ALS2: variants seen among roughly 807,000 people sequenced by gnomAD.
ALS2 encodes alsin Rho guanine nucleotide exchange factor ALS2.
A neutral mutation model predicts 203.4 loss-of-function variants in ALS2; 117 were observed. The observed-to-expected ratio is 0.58, with a 90% CI of 0.50 to 0.67. The LOEUF (loss-of-function observed/expected upper bound fraction) is 0.67, where lower values mean the gene tolerates loss of function less well. Among genes scored for constraint, ALS2 ranks in the 30% least tolerant of loss-of-function variants. The pLI, the probability that ALS2 is intolerant of heterozygous loss-of-function variation, is 0.00. For missense variants in ALS2, 1,715 were observed against 1,989.4 expected (o/e 0.86, Z 2.62); for synonymous variants, 718 against 725.9 (o/e 0.99, Z 0.17).
At chr2:201,777,244 C>T (rs1217374268) in intron 1 of ALS2, among the ~76,000 whole-genome samples, 1 of 144,678 alleles carries the variant, frequency 6.9e-6, no homozygotes, top group Non-Finnish European at 1.5e-5. Flanking sequence ...GTTAATTCCC[C>T]TGCAGGCTTC....
intron 1 of ALS2, among the ~76,000 whole-genome samples, chr2:201,777,349 T>C (rs1426853399): frequency 6.6e-6 from 1 of 151,948 alleles, no homozygotes; most frequent in South Asian, 2.1e-4. Context: ...AAGCTTTACA[T>C]AGTGGAGCTG....
At chr2:201,736,032 G>A (rs544549380) in intron 12 of ALS2, among the ~76,000 whole-genome samples, 1 of 151,910 alleles carries the variant, frequency 6.6e-6, no homozygotes. Flanking sequence ...AACATTATAG[G>A]TTAACTAAGC....
rs181783598 is a variant in ALS2 at position 201,775,532 on chromosome 2, T to C, written c.-61+5345A>G. On this transcript the variant is annotated intron_variant, in intron 1 of 33. Transcript: ENST00000264276. ...TATGGTAACCTTTGACTCAAACACC[T>C]GACTTACAAATAATCTATACACCAA... Among the ~76,000 whole-genome samples, 3 of 152,290 alleles carry C rather than the reference T, an allele frequency of 2.0e-5. No individual in the cohort carries two copies. The East Asian group carries it at 5.8e-4, about 29-fold the overall frequency.
intron 6 of ALS2, among the ~76,000 whole-genome samples, chr2:201,753,632 A>C (rs1254043917): frequency 6.6e-6 from 1 of 152,232 alleles, no homozygotes. Context: ...TTAGATAATC[A>C]TTCCAATTAC....
At position 201,711,008 on chromosome 2, in the gene ALS2, T is replaced by C. The variant is rs1251478086; in HGVS notation, c.4105A>G (p.Arg1369Gly). The change falls in exon 26 of 34, where the codon AGG (arginine) becomes GGG (glycine). Residue 1369 changes from arginine (R) to glycine (G), a missense_variant. Physicochemically the swap from Arg to Gly is moderately radical, Grantham distance 125. Coordinates refer to ENST00000264276, the MANE Select transcript of ALS2 (RefSeq NM_020919.4). ...AFSVEKYDDI[R>G]KYLIKACDTP... The stretch of plus-strand genomic sequence containing the variant: ...TAGTTTACCTTTATTAAATATTTCC[T>C]GATGTCATCATATTTCTCCACAGAG... 1.2e-6 allele frequency: 2 copies of C among 1,601,722 alleles called. No individual in the cohort carries two copies. Among genetic ancestry groups the C allele is most frequent in the Non-Finnish European group, 1.7e-6 (2 of 1,168,908 alleles).
rs1367631173 is a variant in ALS2, at chr2:201,733,330, T to C, written c.2526A>G (p.Arg842=). The C allele has an allele frequency of 6.2e-7, 1 of 1,613,780 alleles. No individual in the cohort carries two copies. The highest frequency in any genetic ancestry group is 1.3e-5 in the African/African-American group (1 of 74,914). The change falls in exon 13 of 34, where the codon AGA becomes AGG. Residue 842 remains arginine (R), a synonymous_variant. Coordinates refer to ENST00000264276, the MANE Select transcript of ALS2 (RefSeq NM_020919.4). ...AAACTTTTGCGTAATTATGAAGTCG[T>C]CTGATTGGCAAGAAAAACAAAGTAT... ...ILNTLFFLPI[R]RLHNYAKVLL...
chr2:201,701,076 A>T lies in ALS2; in HGVS notation c.*775T>A, dbSNP rs1315118759. On this transcript the variant is annotated 3_prime_UTR_variant, in exon 34 of 34. Transcript: ENST00000264276. ...ACAGGCCTTGGAATACAGCGTTTGC[A>T]CATGGACAAATGAGGTTCCTAGCAG... 6.6e-6 allele frequency: 1 copy of T among 152,656 alleles called. No homozygotes were observed. Among genetic ancestry groups the T allele is most frequent in the African/African-American group, 2.4e-5 (1 of 41,456 alleles). The allele number at this position is 152,656 out of a possible 1,614,324, so 9.5% of individuals were successfully genotyped here.
At position 201,715,937 on chromosome 2, in the gene ALS2, T is replaced by A. The variant is rs1690363644; in HGVS notation, c.3837-98A>T. On this transcript the variant is annotated intron_variant, in intron 24 of 33. Coordinates refer to ENST00000264276, the MANE Select transcript of ALS2 (RefSeq NM_020919.4). Reference sequence around the variant, plus strand: ...TAACATACAACTGAGAATGCTTTTTTCGTGACCAAAACTGCCAAGACTGAT... The same window carrying A: ...TAACATACAACTGAGAATGCTTTTTACGTGACCAAAACTGCCAAGACTGAT... The A allele has an allele frequency of 1.4e-5, 19 of 1,358,318 alleles. No individual in the cohort carries two copies. The South Asian group carries it at 2.1e-4, about 15-fold the overall frequency. The allele number at this position is 1,358,318 out of a possible 1,614,324, so 84.1% of individuals were successfully genotyped here.
At chr2:201,704,795 G>A (rs371867146) in intron 31 of ALS2, among the ~76,000 whole-genome samples, 192 bp from the exon 32 acceptor site, 6 of 152,078 alleles carry the variant, frequency 3.9e-5, no homozygotes, top group African/African-American at 1.4e-4. Flanking sequence ...AACTGTCTAC[G>A]ATTCATATAT....
At chr2:201,719,284 G>A (rs1374441143) in intron 23 of ALS2, among the ~76,000 whole-genome samples, 6 of 152,124 alleles carry the variant, frequency 3.9e-5, no homozygotes, top group African/African-American at 1.4e-4. Context: ...CATGAATGGT[G>A]CAGTGCCTTA....
At chr2:201,751,648 G>A (rs2192759) in intron 7 of ALS2, among the ~76,000 whole-genome samples, 73,141 of 151,904 alleles carry the variant, frequency 0.48, 20,322 homozygotes, top group Non-Finnish European at 0.62. Flanking sequence ...TTTGCTGTTC[G>A]GGACTGTTGA....
rs545373216 is a variant in ALS2, at chr2:201,754,406, G to T, written c.1640+97C>A. On this transcript the variant is annotated intron_variant, in intron 6 of 33. Coordinates refer to ENST00000264276, the MANE Select transcript of ALS2 (RefSeq NM_020919.4). ...AATAATCTGAAGCTAGAAGAGCCCA[G>T]ATTTCCTCTATGAGGAAAGTGAGAT... The T allele has an allele frequency of 4.1e-6, 6 of 1,448,380 alleles. No individual in the cohort carries two copies. In the African/African-American group the frequency reaches 8.4e-5, roughly 20 times the overall value. The allele number at this position is 1,448,380 out of a possible 1,614,324, so 89.7% of individuals were successfully genotyped here.
rs1691221879 is a variant in ALS2, at chr2:201,727,060, A to G, written c.2979+152T>C. The G allele has an allele frequency of 3.5e-5, 32 of 909,322 alleles. No individual in the cohort carries two copies. The South Asian group carries it at 4.6e-4, about 13-fold the overall frequency. The allele number at this position is 909,322 out of a possible 1,614,324, so 56.3% of individuals were successfully genotyped here. On this transcript the variant is annotated intron_variant, in intron 17 of 33. Transcript: ENST00000264276. ...TTAAGTCACATTAAAAAAAAAAACA[A>G]TGAAGAACCTACAGTTTTGGGTTAA...
At chr2:201,739,217 C>A (rs1246752545) in intron 11 of ALS2, among the ~76,000 whole-genome samples, 1 of 105,212 alleles carries the variant, frequency 9.5e-6, no homozygotes, top group Non-Finnish European at 1.7e-5. Context: ...GCCTGAGTGA[C>A]AGGATACGAC....
rs148925072 is a variant in ALS2 at position 201,734,420 on chromosome 2, A to T, written c.2418-982T>A. ...AGCACAGGAAGTTGAGGCTGTAGTG[A>T]GCCGTGGTTGTGCCACTGCACACCA... On this transcript the variant is annotated intron_variant, in intron 12 of 33. Coordinates refer to ENST00000264276, the MANE Select transcript of ALS2 (RefSeq NM_020919.4). Among the ~76,000 whole-genome samples the T allele has an allele frequency of 2.0e-3, 306 of 151,090 alleles. 16 individuals are homozygous for T. In the East Asian group the frequency reaches 0.046, roughly 23 times the overall value.
In ALS2 at chr2:201,754,654, T is replaced by G. The variant is rs1366304653; in HGVS notation, c.1489A>C (p.Arg497=). 3 of 1,614,110 alleles carry G rather than the reference T, an allele frequency of 1.9e-6. No individual in the cohort carries two copies. The South Asian group carries it at 3.3e-5, about 18-fold the overall frequency. ...CTCGTTTTCACCCGTGCAGCCTTTCTTAAGAGCCTGGGGGAAACTGAAAAC... is the reference window on the plus strand; with the variant it reads ...CTCGTTTTCACCCGTGCAGCCTTTCGTAAGAGCCTGGGGGAAACTGAAAAC... The part of the protein sequence containing the change: ...LLSQVSPRLL[R]KAARVKTRTV... The change falls in exon 6 of 34, where the codon AGA becomes CGA. Residue 497 remains arginine (R), a synonymous_variant. Transcript: ENST00000264276.
Position 201,757,774 on chromosome 2 carries a change from C to T in ALS2, c.1114-15G>A. 6.4e-7 allele frequency: 1 copy of T among 1,566,824 alleles called. No individual in the cohort carries two copies. The highest frequency in any genetic ancestry group is 8.7e-7 in the Non-Finnish European group (1 of 1,148,194). The stretch of plus-strand genomic sequence containing the variant: ...TCTAAAAGAGGCTAAAATATACACA[C>T]ATAAAAAATTATATAAAAATATAAT... On this transcript the variant is annotated splice_polypyrimidine_tract_variant and intron_variant, in intron 4 of 33. Transcript: ENST00000264276.
intron 6 of ALS2, 139 bp downstream of exon 6, chr2:201,754,364 C>T: frequency 9.0e-7 from 1 of 1,113,702 alleles, no homozygotes; most frequent in Non-Finnish European, 1.4e-6. Flanking sequence ...AGCTTTTTAT[C>T]AGAGTTAATG....
chr2:201,738,080 C>T (rs1294558797), intron 12 of ALS2, among the ~76,000 whole-genome samples: 1 of 151,990 alleles, frequency 6.6e-6, no homozygotes. Context: ...ACAGGAGAAC[C>T]CTTGAGCCCA....
Sources: gnomAD v4.1 joint callset for allele counts (sites outside exome capture counted in the v4.1 genomes callset) on GRCh38, gnomAD v4.1.1 for gene constraint, MANE v1.5 for transcripts, NCBI Gene and HGNC (gene_info 2026-07-23, HGNC 2026-07-21) for gene names.